NRXN3: variants seen among roughly 807,000 people sequenced by gnomAD.
The protein encoded by NRXN3 is neurexin 3.
In NRXN3, 32 loss-of-function variants were observed where a neutral mutation model predicts 137.6. That is an observed-to-expected ratio of 0.23 (90% CI 0.18 to 0.31). The LOEUF is 0.31. NRXN3 is among the 10% of genes least tolerant of loss of function. NRXN3 has a pLI of 1.00. For synonymous variants in NRXN3, 798 were observed against 784.5 expected (o/e 1.02, Z -0.29); for missense variants, 1,574 against 2,062.5 (o/e 0.76, Z 4.59).
intron 19 of NRXN3, among the ~76,000 whole-genome samples, chr14:79,713,737 AT>A (rs530958423): frequency 2.1e-4 from 31 of 146,028 alleles, no homozygotes; most frequent in Admixed American, 4.8e-4. Flanking sequence ...AAGAGCCCTT[AT>A]TTTTTTTTTC....
intron 19 of NRXN3, among the ~76,000 whole-genome samples, chr14:79,770,877 G>A (rs868542174): frequency 2.0e-5 from 3 of 152,006 alleles, no homozygotes; most frequent in Non-Finnish European, 4.4e-5. Context: ...TAGACCACTA[G>A]CAAGACTAAT....
At chr14:78,635,235 C>T (rs1456074529) in intron 4 of NRXN3, among the ~76,000 whole-genome samples, 1 of 152,112 alleles carries the variant, frequency 6.6e-6, no homozygotes, top group African/African-American at 2.4e-5. Flanking sequence ...GAATTCTTTA[C>T]TTGTTTTCAT....
chr14:78,958,331 T>G (rs911665192), intron 11 of NRXN3, among the ~76,000 whole-genome samples: 1 of 151,932 alleles, frequency 6.6e-6, no homozygotes, highest in Non-Finnish European at 1.5e-5. Context: ...AAGTGCCATT[T>G]TACATGCTAT....
At chr14:78,837,268 A>T (rs1275026580) in intron 10 of NRXN3, among the ~76,000 whole-genome samples, 1 of 152,182 alleles carries the variant, frequency 6.6e-6, no homozygotes. Flanking sequence ...TAGAAATAGC[A>T]GCCAAGTTCC....
intron 15 of NRXN3, among the ~76,000 whole-genome samples, chr14:79,059,256 T>C (rs1568145659): frequency 6.6e-5 from 2 of 30,168 alleles, no homozygotes; most frequent in Admixed American, 2.9e-4. Flanking sequence ...TATTCTTTTT[T>C]TTTTTTTTTT....
intron 15 of NRXN3, among the ~76,000 whole-genome samples, chr14:79,036,207 T>C (rs1050630649): frequency 6.6e-6 from 1 of 152,078 alleles, no homozygotes; most frequent in African/African-American, 2.4e-5. Flanking sequence ...AGCAAGATAC[T>C]TCCCCCCCAC....
intron 4 of NRXN3, among the ~76,000 whole-genome samples, chr14:78,443,792 A>G (rs759313062): frequency 3.3e-5 from 5 of 152,346 alleles, no homozygotes; most frequent in Admixed American, 6.5e-5. Flanking sequence ...GGTACATAGT[A>G]GGAGCTTAGT....
intron 4 of NRXN3, among the ~76,000 whole-genome samples, chr14:78,518,483 AAG>A (rs1491477187): frequency 1.3e-5 from 2 of 152,226 alleles, no homozygotes; most frequent in Admixed American, 6.5e-5. Flanking sequence ...AATAGAAAAA[AAG>A]TGAGGTCCCC....
intron 8 of NRXN3, among the ~76,000 whole-genome samples, chr14:78,732,307 C>A (rs1245867273): frequency 1.3e-5 from 2 of 152,156 alleles, no homozygotes; most frequent in African/African-American, 4.8e-5. Context: ...TGCAAAGTCA[C>A]AAGCAAAGGC....
intron 10 of NRXN3, among the ~76,000 whole-genome samples, chr14:78,903,843 TGAA>T (rs373930967): frequency 2.2e-3 from 335 of 152,212 alleles, no homozygotes; most frequent in African/African-American, 7.3e-3. Flanking sequence ...GTTTATGCAA[TGAA>T]GTGCGTTTCT....
At chr14:78,534,621 C>G (rs1175746577) in intron 4 of NRXN3, among the ~76,000 whole-genome samples, 1 of 152,150 alleles carries the variant, frequency 6.6e-6, no homozygotes, top group East Asian at 1.9e-4. Context: ...TTATGGCATT[C>G]CTCAGAACGC....
rs184432301 is a variant in NRXN3, at chr14:79,103,648, C to T, written c.3262+115507C>T. ...GTCTCATTTCTGACATTCCATTGCC[C>T]AAGTTCCTGCAATGATTACATGAAG... On this transcript the variant is annotated intron_variant, in intron 15 of 20. Transcript: ENST00000335750. Among the ~76,000 whole-genome samples, 367 of 152,124 alleles carry T rather than the reference C, an allele frequency of 2.4e-3. 3 individuals are homozygous for T. The highest frequency in any genetic ancestry group is 8.7e-3 in the African/African-American group (359 of 41,500).
At chr14:78,973,849 T>C (rs762296946) in intron 14 of NRXN3, among the ~76,000 whole-genome samples, 9 of 152,148 alleles carry the variant, frequency 5.9e-5, no homozygotes, top group Non-Finnish European at 1.2e-4. Flanking sequence ...TAGAAGTAGT[T>C]AAGGCAAAGG....
At chr14:79,335,633 T>C (rs1272978731) in intron 15 of NRXN3, among the ~76,000 whole-genome samples, 1 of 151,944 alleles carries the variant, frequency 6.6e-6, no homozygotes, top group African/African-American at 2.4e-5. Flanking sequence ...GGGAATAGAG[T>C]GTTAAGGGCT....
chr14:79,598,311 T>C lies in NRXN3; in HGVS notation c.3445-65467T>C, dbSNP rs551918197. ...TCTTCAAAAAGTCAGGTCATGGTTA[T>C]CAGTTTGCTACAAAGAACATCTTAG... On this transcript the variant is annotated intron_variant, in intron 16 of 20. Transcript: ENST00000335750. Among the ~76,000 whole-genome samples the C allele has an allele frequency of 3.9e-5, 6 of 152,272 alleles. No homozygotes were observed. In the South Asian group the frequency reaches 1.0e-3, roughly 26 times the overall value.
chr14:78,728,481 G>T (rs1394809599), intron 8 of NRXN3, among the ~76,000 whole-genome samples: 1 of 152,164 alleles, frequency 6.6e-6, no homozygotes, highest in Non-Finnish European at 1.5e-5. Flanking sequence ...GAAAGCCACT[G>T]ACATTCACAC....
At chr14:79,086,427 T>A (rs771418314) in intron 15 of NRXN3, among the ~76,000 whole-genome samples, 18 of 152,186 alleles carry the variant, frequency 1.2e-4, no homozygotes, top group Non-Finnish European at 2.5e-4. Context: ...TTAATCTTCC[T>A]ACTGTATGCT....
At chr14:79,805,247 A>G (rs771191605) in intron 20 of NRXN3, 57 bp downstream of exon 20, 3 of 1,223,276 alleles carry the variant, frequency 2.5e-6, no homozygotes, top group Non-Finnish European at 3.6e-6. Context: ...AAAAAACAAT[A>G]CATACATATA....
chr14:78,531,977 C>G (rs2096467321), intron 4 of NRXN3, among the ~76,000 whole-genome samples: 1 of 151,946 alleles, frequency 6.6e-6, no homozygotes, highest in Non-Finnish European at 1.5e-5. Context: ...CTTATTCAAC[C>G]CTAAGTTTTA....
Sources: gnomAD v4.1 joint callset for allele counts (sites outside exome capture counted in the v4.1 genomes callset) on GRCh38, gnomAD v4.1.1 for gene constraint, MANE v1.5 for transcripts, NCBI Gene and HGNC (gene_info 2026-07-23, HGNC 2026-07-21) for gene names.